Variants in ZSWIM5 observed in about 807,000 individuals in gnomAD.
The protein encoded by ZSWIM5 is zinc finger SWIM-type containing 5, also known as zinc finger SWIM domain-containing protein 5.
A neutral mutation model predicts 119.6 loss-of-function variants in ZSWIM5; 55 were observed. The ratio of observed to expected loss-of-function variants is 0.46; its 90% confidence interval spans 0.37 to 0.58. The LOEUF (loss-of-function observed/expected upper bound fraction) is 0.58. Among genes scored for constraint, ZSWIM5 ranks in the 20% least tolerant of loss-of-function variants. The pLI, the probability that ZSWIM5 is intolerant of heterozygous loss-of-function variation, is 0.00. For missense variants in ZSWIM5, 1,193 were observed against 1,512.8 expected (o/e 0.79, Z 3.51); for synonymous variants, 537 against 606.9 (o/e 0.88, Z 1.69).
intron 2 of ZSWIM5, among the ~76,000 whole-genome samples, chr1:45,074,373 CT>C (rs1319160665): frequency 3.3e-5 from 5 of 151,672 alleles, no homozygotes; most frequent in East Asian, 3.9e-4. Flanking sequence ...TACTGGGTGA[CT>C]TTTTTTATTA....
At chr1:45,094,937 T>C (rs1021693310) in intron 1 of ZSWIM5, among the ~76,000 whole-genome samples, 5 of 151,906 alleles carry the variant, frequency 3.3e-5, no homozygotes, top group African/African-American at 1.2e-4. Flanking sequence ...TCAACAATTA[T>C]CAACACAAAG....
chr1:45,164,330 T>C (rs1473104626), intron 1 of ZSWIM5, among the ~76,000 whole-genome samples: 1 of 151,936 alleles, frequency 6.6e-6, no homozygotes, highest in African/African-American at 2.4e-5. Context: ...GCACTAAACA[T>C]GGAAAGGAAC....
chr1:45,200,777 T>G (rs1646153776), intron 1 of ZSWIM5, among the ~76,000 whole-genome samples: 1 of 152,242 alleles, frequency 6.6e-6, no homozygotes, highest in Admixed American at 6.5e-5. Flanking sequence ...AAAATTAATG[T>G]GGTGATTTCC....
At chr1:45,167,788 C>A (rs1645917068) in intron 1 of ZSWIM5, among the ~76,000 whole-genome samples, 1 of 152,110 alleles carries the variant, frequency 6.6e-6, no homozygotes, top group South Asian at 2.1e-4. Flanking sequence ...CCATCTCACA[C>A]CAGTTAGAAT....
chr1:45,187,555 A>AAAAG (rs141412079), intron 1 of ZSWIM5, among the ~76,000 whole-genome samples: 6 of 152,082 alleles, frequency 3.9e-5, no homozygotes, highest in African/African-American at 1.2e-4. Context: ...CTATACTATC[A>AAAAG]AAAGAAAGAA....
intron 1 of ZSWIM5, among the ~76,000 whole-genome samples, chr1:45,118,507 C>T (rs929893347): frequency 5.3e-5 from 8 of 151,746 alleles, no homozygotes; most frequent in African/African-American, 1.5e-4. Context: ...TTCGGGATAC[C>T]GAGGCAGGCA....
At chr1:45,147,043 T>A (rs1213005996) in intron 1 of ZSWIM5, among the ~76,000 whole-genome samples, 1 of 152,066 alleles carries the variant, frequency 6.6e-6, no homozygotes, top group East Asian at 1.9e-4. Context: ...ACAAGTGACA[T>A]CATCTTTAAT....
intron 10 of ZSWIM5, among the ~76,000 whole-genome samples, chr1:45,034,761 T>C (rs992840919): frequency 6.6e-6 from 1 of 152,170 alleles, no homozygotes; most frequent in African/African-American, 2.4e-5. Flanking sequence ...TAATACATTT[T>C]TAAAAAGAAT....
At chr1:45,203,168 T>C (rs996660116) in intron 1 of ZSWIM5, among the ~76,000 whole-genome samples, 1 of 152,058 alleles carries the variant, frequency 6.6e-6, no homozygotes, top group Non-Finnish European at 1.5e-5. Context: ...CCTTTGAGCA[T>C]AGCTGGAAAA....
intron 7 of ZSWIM5, among the ~76,000 whole-genome samples, 168 bp downstream of exon 7, chr1:45,040,224 T>C (rs1645011065): frequency 6.6e-6 from 1 of 152,214 alleles, no homozygotes. Context: ...ACAGGTATTA[T>C]TCCCAAATGA....
At chr1:45,043,158 C>T in intron 6 of ZSWIM5, 61 bp downstream of exon 6, 1 of 1,551,056 alleles carries the variant, frequency 6.4e-7, no homozygotes. Flanking sequence ...GAAGATGGCT[C>T]ATTTGGGCCT....
chr1:45,097,925 T>C (rs1645413059), intron 1 of ZSWIM5, among the ~76,000 whole-genome samples: 1 of 152,172 alleles, frequency 6.6e-6, no homozygotes, highest in Non-Finnish European at 1.5e-5. Context: ...TAGGGTAGTA[T>C]ATAATAGCGG....
intron 1 of ZSWIM5, among the ~76,000 whole-genome samples, chr1:45,137,065 C>T (rs1021503939): frequency 2.0e-5 from 3 of 152,144 alleles, no homozygotes; most frequent in African/African-American, 7.2e-5. Context: ...TGCCTTGGTA[C>T]TTTCTGATGC....
chr1:45,073,243 T>C (rs1645234883), intron 2 of ZSWIM5, among the ~76,000 whole-genome samples: 2 of 144,656 alleles, frequency 1.4e-5, no homozygotes, highest in East Asian at 2.0e-4. Context: ...ATACAATTGC[T>C]ACTGAATTTT....
chr1:45,094,496 A>G (rs1645387479), intron 1 of ZSWIM5, among the ~76,000 whole-genome samples: 1 of 152,058 alleles, frequency 6.6e-6, no homozygotes, highest in Non-Finnish European at 1.5e-5. Context: ...TAATCCCAGC[A>G]CTTTGGGAGC....
At chr1:45,073,350 C>G (rs1203664773) in intron 2 of ZSWIM5, among the ~76,000 whole-genome samples, 1 of 142,230 alleles carries the variant, frequency 7.0e-6, no homozygotes, top group African/African-American at 2.7e-5. Flanking sequence ...CCTCTGCCTC[C>G]TGGGTTCAAG....
Position 45,018,997 on chromosome 1 carries a change from G to A in ZSWIM5, c.3015C>T (p.Arg1005=). The change falls in exon 14 of 14, where the codon CGC becomes CGT. Residue 1005 remains arginine, a synonymous_variant. Coordinates refer to ENST00000359600, the MANE Select transcript of ZSWIM5 (RefSeq NM_020883.2). The surrounding 1 kb of genome is among the most constrained non-coding windows in gnomAD (Gnocchi z 6.7). The part of the protein sequence containing the change: ...MTHSQLFTIA[R]YMELRGYPLR... Reference sequence around the variant, plus strand: ...GCGGGTAGCCACGGAGCTCCATGTAGCGGGCGATGGTGAACAGCTGTGAAT... The same window carrying A: ...GCGGGTAGCCACGGAGCTCCATGTAACGGGCGATGGTGAACAGCTGTGAAT... 6.2e-7 allele frequency: 1 copy of A among 1,614,196 alleles called. No individual in the cohort carries two copies.
At chr1:45,195,898 C>T (rs1646119294) in intron 1 of ZSWIM5, among the ~76,000 whole-genome samples, 1 of 149,486 alleles carries the variant, frequency 6.7e-6, no homozygotes, top group Non-Finnish European at 1.5e-5. Flanking sequence ...AGACAGGTCT[C>T]GCTCTGTCAC....
chr1:45,115,856 C>G (rs1645554224), intron 1 of ZSWIM5, among the ~76,000 whole-genome samples: 1 of 152,168 alleles, frequency 6.6e-6, no homozygotes, highest in Non-Finnish European at 1.5e-5. Flanking sequence ...GGGGTGGCGG[C>G]CGGGCAGAGG....
Sources: gnomAD v4.1 joint callset for allele counts (sites outside exome capture counted in the v4.1 genomes callset) on GRCh38, gnomAD v4.1.1 for gene constraint, Gnocchi (gnomAD v3.1) non-coding constraint, MANE v1.5 for transcripts, NCBI Gene and HGNC (gene_info 2026-07-23, HGNC 2026-07-21) for gene names.